Variants in RHOJ observed in about 807,000 individuals in gnomAD.
RHOJ encodes rho-related GTP-binding protein RhoJ.
A neutral mutation model predicts 23.4 loss-of-function variants in RHOJ; 11 were observed. The ratio of observed to expected loss-of-function variants is 0.47; its 90% CI spans 0.30 to 0.78. The LOEUF is 0.78. Ranked by LOEUF, RHOJ falls within the 30% of genes least tolerant of loss-of-function variation. RHOJ has a pLI of 0.08. For synonymous variants in RHOJ, 102 were observed against 102.7 expected, an observed-to-expected ratio of 0.99 and a Z score of 0.04; for missense variants, 254 against 273.4, an observed-to-expected ratio of 0.93 and a Z score of 0.50.
intron 1 of RHOJ, among the ~76,000 whole-genome samples, chr14:63,261,844 T>C (rs1895278647): frequency 6.6e-6 from 1 of 152,204 alleles, no homozygotes. Context: ...AATAAATCTT[T>C]GACGTGCTCA....
intron 4 of RHOJ, among the ~76,000 whole-genome samples, chr14:63,286,956 GCTCT>G (rs1030033382): frequency 2.0e-5 from 3 of 151,960 alleles, no homozygotes; most frequent in African/African-American, 4.8e-5. Flanking sequence ...CTTTTTCTTG[GCTCT>G]CTATTTGCCT....
chr14:63,262,410 G>A (rs1895288310), intron 1 of RHOJ, among the ~76,000 whole-genome samples: 1 of 152,170 alleles, frequency 6.6e-6, no homozygotes, highest in Non-Finnish European at 1.5e-5. Context: ...AAAGAAGAAA[G>A]ACAAGAGAGT....
chr14:63,290,855 C>G (rs761629571), intron 4 of RHOJ, 23 bp from the exon 5 acceptor site: 10 of 1,590,490 alleles, frequency 6.3e-6, no homozygotes, highest in South Asian at 4.6e-5. Context: ...ATCTCTCATG[C>G]CTTTCTCTCT....
chr14:63,231,563 G>A (rs1228072762), intron 1 of RHOJ, among the ~76,000 whole-genome samples: 1 of 152,168 alleles, frequency 6.6e-6, no homozygotes, highest in Non-Finnish European at 1.5e-5. Flanking sequence ...CAAAAGATGT[G>A]ATTTTAAACC....
chr14:63,260,950 A>C (rs569832096), intron 1 of RHOJ, among the ~76,000 whole-genome samples: 57 of 152,282 alleles, frequency 3.7e-4, no homozygotes, highest in African/African-American at 1.2e-3. Context: ...GATACACTGC[A>C]GAAATAAGAC....
At chr14:63,245,945 A>G (rs1894968989) in intron 1 of RHOJ, among the ~76,000 whole-genome samples, 1 of 152,176 alleles carries the variant, frequency 6.6e-6, no homozygotes, top group South Asian at 2.1e-4. Context: ...TAATCAGGTA[A>G]TGGATGTTAT....
chr14:63,234,652 T>A (rs1460104823), intron 1 of RHOJ, among the ~76,000 whole-genome samples: 1 of 151,918 alleles, frequency 6.6e-6, no homozygotes, highest in Non-Finnish European at 1.5e-5. Context: ...TAGTTTTTCA[T>A]ATTTGAACAT....
Position 63,269,102 on chromosome 14 carries a change from T to A in RHOJ, c.179-8T>A. 1 of 1,607,170 alleles carries A rather than the reference T, an allele frequency of 6.2e-7. No individual in the cohort carries two copies. The highest frequency in any genetic ancestry group is 2.2e-5 in the East Asian group (1 of 44,842). On this transcript the variant is annotated splice_region_variant and splice_polypyrimidine_tract_variant and intron_variant, in intron 1 of 4. Transcript: ENST00000316754. Reference sequence around the variant, plus strand: ...TCTCCTCTTCTTTTCTTTTCTCTTCTCCCCTAGTTACTGTGACTGTGGGAG... The same window carrying A: ...TCTCCTCTTCTTTTCTTTTCTCTTCACCCCTAGTTACTGTGACTGTGGGAG...
At chr14:63,230,353 T>G (rs1336453026) in intron 1 of RHOJ, among the ~76,000 whole-genome samples, 1 of 152,134 alleles carries the variant, frequency 6.6e-6, no homozygotes, top group African/African-American at 2.4e-5. Context: ...GACTTTGGTG[T>G]TTTCTAGTTT....
At chr14:63,205,869 T>A (rs1182246129) in intron 1 of RHOJ, among the ~76,000 whole-genome samples, 1 of 152,234 alleles carries the variant, frequency 6.6e-6, no homozygotes, top group East Asian at 1.9e-4. Flanking sequence ...ATTCTTTCTT[T>A]TTCTGTTAAT....
chr14:63,259,171 C>A (rs1222517617), intron 1 of RHOJ, among the ~76,000 whole-genome samples: 1 of 152,176 alleles, frequency 6.6e-6, no homozygotes, highest in East Asian at 1.9e-4. Context: ...AACTCCTGAC[C>A]TCATGATCCA....
intron 2 of RHOJ, among the ~76,000 whole-genome samples, chr14:63,279,149 A>G (rs775428786): frequency 6.6e-6 from 1 of 152,244 alleles, no homozygotes; most frequent in Non-Finnish European, 1.5e-5. Flanking sequence ...CAATGAGCAC[A>G]TACATGTTTT....
chr14:63,250,996 T>C (rs1293852925), intron 1 of RHOJ, among the ~76,000 whole-genome samples: 2 of 152,046 alleles, frequency 1.3e-5, no homozygotes, highest in African/African-American at 4.8e-5. Flanking sequence ...GATTTCACCA[T>C]TGCACTCCAG....
At chr14:63,214,600 G>A (rs986949150) in intron 1 of RHOJ, among the ~76,000 whole-genome samples, 1 of 152,198 alleles carries the variant, frequency 6.6e-6, no homozygotes, top group African/African-American at 2.4e-5. Flanking sequence ...AAAAAGATCT[G>A]TACCTGCGGT....
At chr14:63,210,543 G>A (rs1482663282) in intron 1 of RHOJ, among the ~76,000 whole-genome samples, 3 of 152,140 alleles carry the variant, frequency 2.0e-5, no homozygotes, top group Non-Finnish European at 4.4e-5. Context: ...ACAACCCTGG[G>A]CTCTGCTCCT....
chr14:63,232,669 T>G (rs1388036868), intron 1 of RHOJ, among the ~76,000 whole-genome samples: 1 of 151,104 alleles, frequency 6.6e-6, no homozygotes, highest in African/African-American at 2.4e-5. Flanking sequence ...ATACAATTCA[T>G]CCATTTAAAG....
At chr14:63,240,070 T>C (rs1894856598) in intron 1 of RHOJ, among the ~76,000 whole-genome samples, 1 of 152,202 alleles carries the variant, frequency 6.6e-6, no homozygotes, top group Admixed American at 6.5e-5. Flanking sequence ...GTAAATATGG[T>C]AGAATGAGAA....
chr14:63,233,213 G>T (rs982650399), intron 1 of RHOJ, among the ~76,000 whole-genome samples: 1 of 152,168 alleles, frequency 6.6e-6, no homozygotes, highest in South Asian at 2.1e-4. Flanking sequence ...TTGAGCTCAC[G>T]AAATAAGTAA....
intron 1 of RHOJ, among the ~76,000 whole-genome samples, chr14:63,217,750 G>C (rs141854886): frequency 6.6e-6 from 1 of 152,062 alleles, no homozygotes; most frequent in African/African-American, 2.4e-5. Context: ...AGAGTGAACA[G>C]GCAACCTACA....
Sources: allele counts gnomAD v4.1 joint callset (sites outside exome capture counted in the v4.1 genomes callset), GRCh38; gene constraint gnomAD v4.1.1; transcripts MANE v1.5; gene names NCBI Gene and HGNC (gene_info 2026-07-23, HGNC 2026-07-21).